The following PIR variants were observed in gnomAD, a reference collection of about 807,000 sequenced individuals.
PIR encodes the protein pirin, also known as pirin (iron-binding nuclear protein).
In PIR, 22 loss-of-function variants were observed where a neutral mutation model predicts 24.2. That is an observed-to-expected ratio of 0.91 (90% CI 0.65 to 1.30). The LOEUF is 1.30. PIR is among the 50% of genes most tolerant of loss of function. The probability of loss-of-function intolerance (pLI) is 0.00; values close to 1 mark genes in which losing one functional copy is unlikely to be tolerated. For missense variants in PIR, 220 were observed against 220.3 expected (o/e 1.00, Z 0.01); for synonymous variants, 80 against 79.6 (o/e 1.00, Z -0.03).
At chrX:15,449,387 A>G (rs956809035) in intron 5 of PIR, among the ~76,000 whole-genome samples, 5 of 111,996 alleles carry the variant, frequency 4.5e-5, no homozygotes, top group African/African-American at 1.6e-4. Context: ...ATGTCTTAAA[A>G]GGGGAATTTC....
chrX:15,492,014 T>C (rs528626194), intron 1 of PIR, among the ~76,000 whole-genome samples: 2 of 109,499 alleles, frequency 1.8e-5, no homozygotes, highest in South Asian at 8.3e-4. Flanking sequence ...CTTCACTGAA[T>C]TCTCTCGATC....
chrX:15,433,981 A>G (rs1242711634), intron 5 of PIR, among the ~76,000 whole-genome samples: 1 of 51,416 alleles, frequency 1.9e-5, no homozygotes, highest in African/African-American at 8.9e-5. Context: ...AGGAAGGAGA[A>G]AGCAGGAGGA....
chrX:15,451,406 A>G (rs2147055725), intron 5 of PIR, among the ~76,000 whole-genome samples: 1 of 111,168 alleles, frequency 9.0e-6, no homozygotes, highest in East Asian at 2.8e-4. Flanking sequence ...TAAAGAAAAA[A>G]AAAAAAGATC....
At chrX:15,434,218 A>C (rs1164038902) in intron 5 of PIR, among the ~76,000 whole-genome samples, 1 of 93,768 alleles carries the variant, frequency 1.1e-5, no homozygotes, top group Non-Finnish European at 2.1e-5. Flanking sequence ...AGGAGAAAGA[A>C]GAAGAAGGAG....
chrX:15,395,909 T>G (rs1245206278), intron 8 of PIR, among the ~76,000 whole-genome samples: 1 of 111,735 alleles, frequency 8.9e-6, no homozygotes, highest in African/African-American at 3.3e-5. Context: ...GAGCCAGGAG[T>G]GCTGCTTGCC....
intron 6 of PIR, among the ~76,000 whole-genome samples, chrX:15,421,832 C>T (rs766221954): frequency 3.6e-4 from 40 of 110,921 alleles, no homozygotes; most frequent in Middle Eastern, 4.6e-3. Flanking sequence ...CAGACAAGAA[C>T]GCAACAAAAA....
intron 2 of PIR, among the ~76,000 whole-genome samples, chrX:15,480,364 CA>C (rs1373528311): frequency 3.6e-5 from 4 of 111,399 alleles, no homozygotes; most frequent in Non-Finnish European, 7.5e-5. Context: ...CACACACACA[CA>C]AGGATTTACG....
At chrX:15,385,914 T>C (rs970066804) in intron 9 of PIR, among the ~76,000 whole-genome samples, 5 of 112,124 alleles carry the variant, frequency 4.5e-5, no homozygotes, top group Non-Finnish European at 9.4e-5. Flanking sequence ...CGGATTTTGC[T>C]AAAAATGTAC....
Position 15,479,742 on chromosome X carries a change from C to A in PIR, c.176G>T (p.Arg59Leu). 8.8e-7 allele frequency: 1 copy of A among 1,142,409 alleles called. No homozygotes were observed. The highest frequency in any genetic ancestry group is 3.0e-5 in the East Asian group (1 of 32,825). 94.1% of individuals were successfully genotyped at this position (1,142,409 alleles called of 1,213,427 possible). The change falls in exon 3 of 10, where the codon CGA (arginine) becomes CTA (leucine). Residue 59 changes from arginine (R) to leucine (L), a missense_variant. Transcript: ENST00000380420. ...RPGGFPDHPH[R>L]GFETVSYLLE... The stretch of plus-strand genomic sequence containing the variant: ...TATTGTACTTACTGTTTCAAAACCT[C>A]GATGTGGATGATCAGGAAATCCTCC...
chrX:15,433,458 GAGA>G (rs1345716819), intron 5 of PIR, among the ~76,000 whole-genome samples: 4 of 103,143 alleles, frequency 3.9e-5, no homozygotes, highest in African/African-American at 1.4e-4. Context: ...GAAGAAGAAG[GAGA>G]AGGAGAAGGA....
Position 15,389,968 on chromosome X carries a change from T to C in PIR, c.760+217A>G, listed in dbSNP as rs1271368784. On this transcript the variant is annotated intron_variant, in intron 9 of 9. Coordinates refer to ENST00000380420, the MANE Select transcript of PIR (RefSeq NM_001018109.3). ...TCCAAACTCAATATCCTATACATAA[T>C]AGGTATCTAAGAAATGTTTCTTTAA... 3.1e-5 allele frequency: 8 copies of C among 258,288 alleles called. No individual in the cohort carries two copies. The East Asian group carries it at 4.8e-4, about 15-fold the overall frequency. 21.3% of individuals were successfully genotyped at this position (258,288 alleles called of 1,213,427 possible). A position where few individuals can be genotyped will look rare whatever the true frequency, so the allele number is the denominator to read the frequency against.
chrX:15,449,431 A>T (rs1360994632), intron 5 of PIR, among the ~76,000 whole-genome samples: 1 of 111,969 alleles, frequency 8.9e-6, no homozygotes, highest in Non-Finnish European at 1.9e-5. Flanking sequence ...TGAATTTCTT[A>T]GGTGGAACTT....
chrX:15,466,547 G>A lies in PIR; in HGVS notation c.190-6807C>T, dbSNP rs139231125. Among the ~76,000 whole-genome samples, 20 of 112,030 alleles carry A rather than the reference G, an allele frequency of 1.8e-4. No homozygotes were observed. In the East Asian group the frequency reaches 5.4e-3, roughly 30 times the overall value. ...TGCCATTTACCAGGTTTGGTATGCA[G>A]GGTGAAGTCCCTTCACTTCTTGGAG... is the stretch of plus-strand genomic sequence containing the variant. On this transcript the variant is annotated intron_variant, in intron 3 of 9. Transcript: ENST00000380420.
At chrX:15,461,360 C>T (rs1314685601) in intron 3 of PIR, among the ~76,000 whole-genome samples, 2 of 112,533 alleles carry the variant, frequency 1.8e-5, no homozygotes, top group African/African-American at 6.4e-5. Context: ...TAAATGAATT[C>T]ATAGAAAATA....
At chrX:15,431,677 C>CA (rs1404298497) in intron 5 of PIR, among the ~76,000 whole-genome samples, 2 of 104,222 alleles carry the variant, frequency 1.9e-5, no homozygotes, top group African/African-American at 3.6e-5. Flanking sequence ...AACCACCCCC[C>CA]CCCCGAAAAC....
At chrX:15,425,411 C>CTTTTTT (rs756160029) in intron 6 of PIR, among the ~76,000 whole-genome samples, 24 of 92,095 alleles carry the variant, frequency 2.6e-4, no homozygotes, top group African/African-American at 7.2e-4. Context: ...TTCTTTCTTT[C>CTTTTTT]TTTTTTTTTT....
intron 5 of PIR, among the ~76,000 whole-genome samples, chrX:15,444,384 TAAC>T (rs755000635): frequency 8.9e-6 from 1 of 112,569 alleles, no homozygotes; most frequent in Non-Finnish European, 1.9e-5. Context: ...ATTGCATACT[TAAC>T]AGACTACAAA....
rs756895149 is a variant in PIR, at chrX:15,451,054, G to A, written c.480+4794C>T. ...TTACAGGCTTGATTATAAATTACTT[G>A]TCAACCCACAACCAACACAGGCCAA... On this transcript the variant is annotated intron_variant, in intron 5 of 9. Coordinates refer to ENST00000380420, the MANE Select transcript of PIR (RefSeq NM_001018109.3). Among the ~76,000 whole-genome samples, 10 of 111,493 alleles carry A rather than the reference G, an allele frequency of 9.0e-5. No homozygotes were observed. The East Asian group carries it at 2.8e-3, about 31-fold the overall frequency.
chrX:15,482,056 G>A (rs748231711), intron 2 of PIR, among the ~76,000 whole-genome samples: 2 of 111,848 alleles, frequency 1.8e-5, no homozygotes, highest in African/African-American at 6.5e-5. Flanking sequence ...ACATGGCCAA[G>A]CCCAAAGTCA....
Sources: allele counts gnomAD v4.1 joint callset (sites outside exome capture counted in the v4.1 genomes callset), GRCh38; gene constraint gnomAD v4.1.1; transcripts MANE v1.5; gene names NCBI Gene and HGNC (gene_info 2026-07-23, HGNC 2026-07-21).